The following TNKS2 variants were observed in gnomAD, a reference collection of about 807,000 sequenced individuals.
TNKS2 encodes tankyrase 2.
A neutral mutation model predicts 137.6 loss-of-function variants in TNKS2; 72 were observed. The ratio of observed to expected loss-of-function variants is 0.52; its 90% CI spans 0.43 to 0.64. TNKS2 has a LOEUF of 0.64. Among genes scored for constraint, TNKS2 ranks in the 30% least tolerant of loss-of-function variants. TNKS2 has a pLI of 0.00. For missense variants in TNKS2, 1,049 were observed against 1,410.2 expected (o/e 0.74, Z 4.10); for synonymous variants, 516 against 512.1 (o/e 1.01, Z -0.10).
At chr10:91,822,536 T>C (rs1439834270) in intron 7 of TNKS2, among the ~76,000 whole-genome samples, 174 bp downstream of exon 7, 3 of 151,170 alleles carry the variant, frequency 2.0e-5, no homozygotes, top group Non-Finnish European at 4.4e-5. Flanking sequence ...TTGACTGCTT[T>C]GAGATTTTTG....
intron 1 of TNKS2, among the ~76,000 whole-genome samples, chr10:91,811,992 G>A (rs536337498): frequency 1.5e-3 from 227 of 151,820 alleles, no homozygotes; most frequent in South Asian, 2.7e-3. Flanking sequence ...CCCGGGAGGC[G>A]GAGCTTGCAG....
intron 1 of TNKS2, among the ~76,000 whole-genome samples, chr10:91,801,361 A>AAT (rs1320846361): frequency 6.6e-6 from 1 of 152,174 alleles, no homozygotes; most frequent in Non-Finnish European, 1.5e-5. Context: ...TTTCTTCTAG[A>AAT]TAAATATTAT....
chr10:91,836,774 C>T (rs1842034117), intron 12 of TNKS2, 145 bp from the exon 13 acceptor site: 3 of 1,384,030 alleles, frequency 2.2e-6, no homozygotes, highest in Admixed American at 3.2e-5. Flanking sequence ...CCCCAACCCT[C>T]ACCCCCCTTA....
At chr10:91,833,267 A>C (rs1841879786) in intron 11 of TNKS2, among the ~76,000 whole-genome samples, 1 of 152,196 alleles carries the variant, frequency 6.6e-6, no homozygotes, top group African/African-American at 2.4e-5. Context: ...CTTGACATAC[A>C]TGGAATCATA....
intron 21 of TNKS2, 94 bp downstream of exon 21, chr10:91,851,430 T>C: frequency 1.4e-4 from 122 of 875,734 alleles, no homozygotes; most frequent in Non-Finnish European, 1.8e-4. Flanking sequence ...TATGAGAGAA[T>C]CTGTTTAATA....
chr10:91,810,920 C>CCTTTTTTTTTT (rs1844479446), intron 1 of TNKS2, among the ~76,000 whole-genome samples: 1 of 50,124 alleles, frequency 2.0e-5, no homozygotes, highest in Non-Finnish European at 3.2e-5. Flanking sequence ...CTTTTCTTTT[C>CCTTTTTTTTTT]TTTTTTTTTT....
chr10:91,831,957 T>A (rs1049361753), intron 11 of TNKS2, among the ~76,000 whole-genome samples: 3 of 152,150 alleles, frequency 2.0e-5, no homozygotes, highest in Admixed American at 6.6e-5. Context: ...GAATAGACGC[T>A]CTTCTCCTTG....
Position 91,813,106 on chromosome 10 carries a change from A to G in TNKS2, c.323A>G (p.Asn108Ser), listed in dbSNP as rs916053442. Reference sequence around the variant, plus strand: ...TCTTTTGGTCATGCTGAAGTAGTCAATCTCCTTTTGCGACATGGTGCAGAC... The same window carrying G: ...TCTTTTGGTCATGCTGAAGTAGTCAGTCTCCTTTTGCGACATGGTGCAGAC... ...ACSFGHAEVV[N>S]LLLRHGADPN... Residue 108 changes from asparagine (N) to serine (S), a missense_variant, in exon 2 of 27, where the codon AAT becomes AGT. Physicochemically the swap from Asn to Ser is conservative, Grantham distance 46. This residue lies in a region of TNKS2 where 374 missense variants were observed against 460.8 expected (regional missense o/e 0.81). Transcript: ENST00000371627. 5 of 1,614,124 alleles carry G rather than the reference A, an allele frequency of 3.1e-6. No homozygotes were observed. The highest frequency in any genetic ancestry group is 2.2e-5 in the East Asian group (1 of 44,876).
At chr10:91,804,606 G>A (rs1192706148) in intron 1 of TNKS2, among the ~76,000 whole-genome samples, 1 of 152,122 alleles carries the variant, frequency 6.6e-6, no homozygotes, top group Admixed American at 6.5e-5. Context: ...TGTTCTACCT[G>A]GCCAGTGAGA....
chr10:91,819,297 A>C lies in TNKS2; in HGVS notation c.548A>C (p.Glu183Ala). Residue 183 changes from glutamate (E) to alanine (A), a missense_variant, in exon 4 of 27, where the codon GAA becomes GCA. Coordinates refer to ENST00000371627, the MANE Select transcript of TNKS2 (RefSeq NM_025235.4). ...TGEYKKDELL[E>A]SARSGNEEKM... ...GAATATAAGAAAGATGAACTCTTAG[A>C]AAGTGCCAGGTACGTACTAATGTTA... The C allele has an allele frequency of 3.4e-6, 5 of 1,467,960 alleles. No homozygotes were observed. Among genetic ancestry groups the C allele is most frequent in the Non-Finnish European group, 4.5e-6 (5 of 1,104,318 alleles). 90.9% of individuals were successfully genotyped at this position (1,467,960 alleles called of 1,614,324 possible).
At chr10:91,833,139 AAACTCCTGTAGAGATATAG>A (rs1213313659) in intron 11 of TNKS2, among the ~76,000 whole-genome samples, 1 of 152,194 alleles carries the variant, frequency 6.6e-6, no homozygotes, top group African/African-American at 2.4e-5. Flanking sequence ...TATGTAACCA[AAACTCCTGTAGAGATATAG>A]AACATTATCT....
At chr10:91,857,061 G>A (rs1242388552) in intron 23 of TNKS2, among the ~76,000 whole-genome samples, 1 of 152,020 alleles carries the variant, frequency 6.6e-6, no homozygotes, top group South Asian at 2.1e-4. Context: ...AATACATTGG[G>A]GAAAAAGGAT....
At chr10:91,819,666 T>A in intron 5 of TNKS2, 109 bp downstream of exon 5, 1 of 915,010 alleles carries the variant, frequency 1.1e-6, no homozygotes, top group Non-Finnish European at 1.6e-6. Context: ...GCTGATGTTT[T>A]AAGTGTTTCA....
At chr10:91,814,545 C>T (rs1844612661) in intron 2 of TNKS2, among the ~76,000 whole-genome samples, 1 of 152,192 alleles carries the variant, frequency 6.6e-6, no homozygotes, top group African/African-American at 2.4e-5. Context: ...ACTCATCACT[C>T]ACTCACTGAC....
At chr10:91,825,943 T>C (rs768184825) in intron 7 of TNKS2, among the ~76,000 whole-genome samples, 1 of 152,264 alleles carries the variant, frequency 6.6e-6, no homozygotes, top group Admixed American at 6.5e-5. Flanking sequence ...GTTAAACATA[T>C]ATCTACCATG....
intron 6 of TNKS2, 85 bp downstream of exon 6, chr10:91,820,118 T>A: frequency 1.1e-6 from 1 of 902,758 alleles, no homozygotes; most frequent in Non-Finnish European, 1.6e-6. Context: ...AATAATATTT[T>A]TTACTAAATA....
intron 3 of TNKS2, among the ~76,000 whole-genome samples, chr10:91,818,182 G>C (rs893100027): frequency 6.6e-6 from 1 of 152,190 alleles, no homozygotes; most frequent in Admixed American, 6.5e-5. Context: ...CTCAAAAGAA[G>C]CATTGCCTTG....
At chr10:91,833,209 T>G (rs1425937047) in intron 11 of TNKS2, among the ~76,000 whole-genome samples, 1 of 152,234 alleles carries the variant, frequency 6.6e-6, no homozygotes, top group Non-Finnish European at 1.5e-5. Context: ...GTCTCCACTT[T>G]GACAGATAAC....
chr10:91,835,768 C>T (rs1050847428), intron 12 of TNKS2, among the ~76,000 whole-genome samples: 5 of 151,144 alleles, frequency 3.3e-5, no homozygotes, highest in Non-Finnish European at 5.9e-5. Context: ...GCTGAGAGTG[C>T]GCCTAACTTT....
Sources: allele counts gnomAD v4.1 joint callset (sites outside exome capture counted in the v4.1 genomes callset), GRCh38; gene constraint gnomAD v4.1.1; regional missense constraint gnomAD v4.1.1; transcripts MANE v1.5; gene names NCBI Gene and HGNC (gene_info 2026-07-23, HGNC 2026-07-21).